MACROD1: variants seen among roughly 807,000 people sequenced by gnomAD.
MACROD1 encodes mono-ADP ribosylhydrolase 1.
MACROD1 carries 31 observed loss-of-function variants against 41.4 expected under a neutral mutation model. The observed-to-expected ratio is 0.75, with a 90% CI of 0.56 to 1.01. MACROD1 has a LOEUF of 1.01. Among genes scored for constraint, MACROD1 ranks in the 50% least tolerant of loss-of-function variants. The pLI, the probability that MACROD1 is intolerant of heterozygous loss-of-function variation, is 0.00. For missense variants in MACROD1, 473 were observed against 460.0 expected, an observed-to-expected ratio of 1.03 and a Z score of -0.26; for synonymous variants, 252 against 203.4, an observed-to-expected ratio of 1.24 and a Z score of -2.03.
At chr11:64,027,288 G>C (rs1420060319) in intron 3 of MACROD1, among the ~76,000 whole-genome samples, 2 of 152,198 alleles carry the variant, frequency 1.3e-5, no homozygotes, top group African/African-American at 2.4e-5. Context: ...CTGGAGCTGG[G>C]AGCAGCAGGG....
At chr11:64,056,747 G>T (rs1943793502) in intron 3 of MACROD1, among the ~76,000 whole-genome samples, 1 of 152,184 alleles carries the variant, frequency 6.6e-6, no homozygotes. Context: ...CCCATCCTGG[G>T]GACCCCTTGG....
chr11:64,133,372 G>A (rs1196316079), intron 3 of MACROD1, among the ~76,000 whole-genome samples: 2 of 152,212 alleles, frequency 1.3e-5, no homozygotes, highest in African/African-American at 4.8e-5. Context: ...AGCCAAGAGA[G>A]GAGACTGCTG....
chr11:64,029,829 A>G (rs1943270588), intron 3 of MACROD1, among the ~76,000 whole-genome samples: 1 of 152,054 alleles, frequency 6.6e-6, no homozygotes, highest in Non-Finnish European at 1.5e-5. Flanking sequence ...GGTCTAAATC[A>G]CCGCAAAAAG....
intron 3 of MACROD1, among the ~76,000 whole-genome samples, chr11:64,035,780 G>A (rs1156444012): frequency 1.6e-5 from 1 of 62,586 alleles, no homozygotes; most frequent in Non-Finnish European, 3.3e-5. Context: ...GGCCCCCGCC[G>A]CCGCCGCCGC....
intron 3 of MACROD1, among the ~76,000 whole-genome samples, chr11:64,109,166 G>T (rs1165519582): frequency 6.6e-6 from 1 of 152,080 alleles, no homozygotes; most frequent in Non-Finnish European, 1.5e-5. Context: ...CTATTTCCTT[G>T]CTGGCTTCCA....
chr11:64,101,975 C>T (rs1377528443), intron 3 of MACROD1, among the ~76,000 whole-genome samples: 1 of 152,188 alleles, frequency 6.6e-6, no homozygotes, highest in Non-Finnish European at 1.5e-5. Flanking sequence ...GGCTGTGAGC[C>T]CCGTGGGCAG....
intron 3 of MACROD1, among the ~76,000 whole-genome samples, chr11:64,150,966 C>G (rs1945566318): frequency 6.6e-6 from 1 of 152,230 alleles, no homozygotes; most frequent in Non-Finnish European, 1.5e-5. Context: ...GCCTTCCTGG[C>G]AGGGCAGCCC....
At chr11:64,092,369 C>T (rs1273615479) in intron 3 of MACROD1, among the ~76,000 whole-genome samples, 1 of 152,194 alleles carries the variant, frequency 6.6e-6, no homozygotes, top group African/African-American at 2.4e-5. Flanking sequence ...GAAAGAGGTG[C>T]TGGGCCTGGC....
intron 3 of MACROD1, among the ~76,000 whole-genome samples, chr11:64,091,442 G>A (rs1944488436): frequency 1.3e-5 from 2 of 148,436 alleles, no homozygotes; most frequent in African/African-American, 5.0e-5. Flanking sequence ...CCCCAGGGCT[G>A]CACTGGTGCC....
At chr11:64,091,868 G>A (rs541454150) in intron 3 of MACROD1, among the ~76,000 whole-genome samples, 1 of 152,304 alleles carries the variant, frequency 6.6e-6, no homozygotes, top group African/African-American at 2.4e-5. Context: ...GCACCAGAGC[G>A]GCTGCTGGGC....
At chr11:64,111,072 T>C (rs1386519120) in intron 3 of MACROD1, among the ~76,000 whole-genome samples, 1 of 152,228 alleles carries the variant, frequency 6.6e-6, no homozygotes, top group Non-Finnish European at 1.5e-5. Flanking sequence ...CAAGCATCTC[T>C]GAAAGGTGCA....
At position 64,031,205 on chromosome 11, in the gene MACROD1, G is replaced by A. The variant is rs560008336; in HGVS notation, c.518-15924C>T. Among the ~76,000 whole-genome samples the A allele has an allele frequency of 2.0e-5, 3 of 152,260 alleles. No homozygotes were observed. The East Asian group carries it at 5.8e-4, about 29-fold the overall frequency. On this transcript the variant is annotated intron_variant, in intron 3 of 10. Coordinates refer to ENST00000255681, the MANE Select transcript of MACROD1 (RefSeq NM_014067.4). ...CCTGCTCCCAGCACCAGTCCTGGGG[G>A]TTGCTGACTTCACCCTACCTGGCTT...
intron 4 of MACROD1, among the ~76,000 whole-genome samples, chr11:64,005,936 C>G (rs976037352): frequency 1.3e-5 from 2 of 152,236 alleles, no homozygotes; most frequent in Non-Finnish European, 2.9e-5. Context: ...CCACTCCCGC[C>G]TGGACGGGCT....
At chr11:64,044,260 T>C (rs1220521312) in intron 3 of MACROD1, among the ~76,000 whole-genome samples, 2 of 151,802 alleles carry the variant, frequency 1.3e-5, no homozygotes, top group African/African-American at 4.8e-5. Context: ...ACTTTTTTTT[T>C]TTTTTTTTTG....
At chr11:64,127,917 T>C (rs1011629140) in intron 3 of MACROD1, among the ~76,000 whole-genome samples, 3 of 152,120 alleles carry the variant, frequency 2.0e-5, no homozygotes, top group African/African-American at 7.2e-5. Context: ...GGAACAAAAT[T>C]TCCATGAGAA....
chr11:64,041,343 C>T (rs1472732129), intron 3 of MACROD1, among the ~76,000 whole-genome samples: 1 of 152,048 alleles, frequency 6.6e-6, no homozygotes, highest in Non-Finnish European at 1.5e-5. Context: ...TGCCCCCCAC[C>T]CCTCCACCCC....
chr11:64,136,777 C>G (rs116493517), intron 3 of MACROD1, among the ~76,000 whole-genome samples: 1 of 152,252 alleles, frequency 6.6e-6, no homozygotes, highest in Non-Finnish European at 1.5e-5. Context: ...GAATTAGCCA[C>G]GGGCTCAGCC....
At chr11:64,149,274 G>C (rs915075110) in intron 3 of MACROD1, among the ~76,000 whole-genome samples, 1 of 152,162 alleles carries the variant, frequency 6.6e-6, no homozygotes, top group Non-Finnish European at 1.5e-5. Flanking sequence ...CATCAGCTCC[G>C]AGTGCCCCCA....
intron 5 of MACROD1, chr11:64,000,022 C>T (rs1942792951): frequency 1.6e-6 from 1 of 631,624 alleles, no homozygotes; most frequent in Non-Finnish European, 2.7e-6. Context: ...CGTTGCCCCC[C>T]AGCTCCATCC....
Sources: gnomAD v4.1 joint callset for allele counts (sites outside exome capture counted in the v4.1 genomes callset) on GRCh38, gnomAD v4.1.1 for gene constraint, MANE v1.5 for transcripts, NCBI Gene and HGNC (gene_info 2026-07-23, HGNC 2026-07-21) for gene names.